Variants in PSMD1 observed in about 807,000 individuals in gnomAD.
PSMD1 encodes proteasome 26S subunit, non-ATPase 1.
A neutral mutation model predicts 119.0 loss-of-function variants in PSMD1; 18 were observed. The ratio of observed to expected loss-of-function variants is 0.15; its 90% CI spans 0.10 to 0.22. The LOEUF is 0.22. Among genes scored for constraint, PSMD1 ranks in the 10% least tolerant of loss-of-function variants. PSMD1 has a pLI of 1.00. For missense variants in PSMD1, 702 were observed against 1,158.5 expected, an observed-to-expected ratio of 0.61 and a Z score of 5.72; for synonymous variants, 374 against 396.6, an observed-to-expected ratio of 0.94 and a Z score of 0.68.
At chr2:231,113,949 G>A in intron 16 of PSMD1, 1 of 1,602,942 alleles carries the variant, frequency 6.2e-7, no homozygotes, top group Non-Finnish European at 8.5e-7. Flanking sequence ...ACAAAAACAA[G>A]ACAAACATTT....
chr2:231,064,965 A>C (rs1303308173), intron 4 of PSMD1, among the ~76,000 whole-genome samples: 1 of 151,482 alleles, frequency 6.6e-6, no homozygotes, highest in East Asian at 1.9e-4. Flanking sequence ...CCAACCCACT[A>C]TGTTCTTATT....
rs1336028080 is a variant in PSMD1 at position 231,165,024 on chromosome 2, TTATATA to T, written c.2482-172_2482-167del. On this transcript the variant is annotated intron_variant, in intron 21 of 24. Transcript: ENST00000308696. Reference sequence around the variant, plus strand: ...TTAGTTTTCCCATTTATTCTTTGATTTATATATATTTATATATATATATATATATAT... The same window carrying T: ...TTAGTTTTCCCATTTATTCTTTGATTTATTTATATATATATATATATATAT... 183 of 139,658 alleles carry T rather than the reference TTATATA, an allele frequency of 1.3e-3. 1 individual carries two copies. Among genetic ancestry groups the T allele is most frequent in the African/African-American group, 5.2e-3 (161 of 30,830 alleles). 8.7% of individuals were successfully genotyped at this position (139,658 alleles called of 1,614,324 possible). A position where few individuals can be genotyped will look rare whatever the true frequency, so the allele number is the denominator to read the frequency against.
intron 21 of PSMD1, 142 bp from the exon 22 acceptor site, chr2:231,165,034 TTATATATATATATATATATATATA>T (rs66656378): frequency 0.013 from 289 of 22,060 alleles, 11 homozygotes; most frequent in Middle Eastern, 0.02. Context: ...TTATATATAT[TTATATATATATATATATATATATA>T]TATATATATA....
At chr2:231,114,930 T>C (rs773215729) in intron 16 of PSMD1, among the ~76,000 whole-genome samples, 4 of 152,174 alleles carry the variant, frequency 2.6e-5, no homozygotes, top group Non-Finnish European at 5.9e-5. Flanking sequence ...TTAACTCCTG[T>C]AGAGAACAGA....
In PSMD1 at chr2:231,170,173, T is replaced by C. The variant is rs896535252; in HGVS notation, c.2716-393T>C. On this transcript the variant is annotated intron_variant, in intron 23 of 24. Coordinates refer to ENST00000308696, the MANE Select transcript of PSMD1 (RefSeq NM_002807.4). The surrounding 1 kb of genome is among the most constrained non-coding windows in gnomAD (Gnocchi z 4.1). Reference sequence around the variant, plus strand: ...GGTGGGGCCAGCTTTTCTGCATTTTTAACAAGCTCCAGATGATAATGATGC... The same window carrying C: ...GGTGGGGCCAGCTTTTCTGCATTTTCAACAAGCTCCAGATGATAATGATGC... Among the ~76,000 whole-genome samples, 5 of 152,206 alleles carry C rather than the reference T, an allele frequency of 3.3e-5. No homozygotes were observed. The highest frequency in any genetic ancestry group is 9.7e-5 in the African/African-American group (4 of 41,446).
At chr2:231,101,038 TA>T (rs1694854190) in intron 16 of PSMD1, among the ~76,000 whole-genome samples, 1 of 152,180 alleles carries the variant, frequency 6.6e-6, no homozygotes, top group African/African-American at 2.4e-5. Flanking sequence ...AAGAGCAGGC[TA>T]GGGGGTTGCC....
chr2:231,110,796 G>T (rs546182410), intron 16 of PSMD1, among the ~76,000 whole-genome samples: 1 of 152,198 alleles, frequency 6.6e-6, no homozygotes, highest in Non-Finnish European at 1.5e-5. Context: ...ACTCCCATTT[G>T]TTAGTAACAT....
chr2:231,120,131 T>G (rs1333438117), intron 16 of PSMD1, among the ~76,000 whole-genome samples: 1 of 151,960 alleles, frequency 6.6e-6, no homozygotes, highest in Non-Finnish European at 1.5e-5. Context: ...TTTGTATTTT[T>G]AGTAGGGACA....
chr2:231,077,155 A>G lies in PSMD1; in HGVS notation c.1064A>G (p.Asn355Ser). Reference sequence around the variant, plus strand: ...AATACAGACCTCATGATTCTAAAAAACACAAAGGTAAGAAATTCATCAATA... The same window carrying G: ...AATACAGACCTCATGATTCTAAAAAGCACAAAGGTAAGAAATTCATCAATA... The part of the protein sequence containing the change: ...NNNTDLMILK[N>S]TKDAVRNSVC... The change falls in exon 9 of 25, where the codon AAC becomes AGC. Residue 355 changes from asparagine (N) to serine (S), a missense_variant. Transcript: ENST00000308696. 6.6e-7 allele frequency: 1 copy of G among 1,521,206 alleles called. No homozygotes were observed. The highest frequency in any genetic ancestry group is 8.9e-7 in the Non-Finnish European group (1 of 1,128,976). 94.2% of individuals were successfully genotyped at this position (1,521,206 alleles called of 1,614,324 possible). A position where few individuals can be genotyped will look rare whatever the true frequency, so the allele number is the denominator to read the frequency against.
chr2:231,155,212 A>G (rs573046314), intron 19 of PSMD1, among the ~76,000 whole-genome samples: 1 of 152,332 alleles, frequency 6.6e-6, no homozygotes, highest in East Asian at 1.9e-4. Context: ...AGGTTTTTAT[A>G]GCAGTTCTAG....
rs1405701613 is a variant in PSMD1, at chr2:231,062,546, T to G, written c.175T>G (p.Phe59Val). 1 of 1,604,976 alleles carries G rather than the reference T, an allele frequency of 6.2e-7. No individual in the cohort carries two copies. The highest frequency in any genetic ancestry group is 1.4e-5 in the African/African-American group (1 of 74,052). ...YEDEGFRSRQFAALVASKVFY... is the reference protein window; with the variant it reads ...YEDEGFRSRQVAALVASKVFY... ...AGATGAAGGTTTCCGGAGTCGGCAG[T>G]TTGCAGCCTTAGTGGCATCTAAAGT... The change falls in exon 4 of 25, where the codon TTT (phenylalanine) becomes GTT (valine). Residue 59 changes from phenylalanine to valine, a missense_variant. Physicochemically the swap from Phe to Val is conservative, Grantham distance 50 (BLOSUM62 -1). Coordinates refer to ENST00000308696, the MANE Select transcript of PSMD1 (RefSeq NM_002807.4).
chr2:231,126,000 T>C (rs1695710278), intron 16 of PSMD1, among the ~76,000 whole-genome samples: 1 of 152,202 alleles, frequency 6.6e-6, no homozygotes, highest in African/African-American at 2.4e-5. Flanking sequence ...TTTTAAAAAC[T>C]CAAAATTTAC....
intron 18 of PSMD1, among the ~76,000 whole-genome samples, chr2:231,147,937 A>G (rs1313950138): frequency 2.0e-5 from 3 of 152,236 alleles, no homozygotes; most frequent in Non-Finnish European, 4.4e-5. Context: ...CTTTGTTTAA[A>G]AAAGTTCAAG....
At chr2:231,129,019 T>C (rs1304538349) in intron 16 of PSMD1, among the ~76,000 whole-genome samples, 27 of 152,238 alleles carry the variant, frequency 1.8e-4, no homozygotes, top group Admixed American at 1.8e-3. Flanking sequence ...CCTGGAATTA[T>C]AGTTGATGAT....
Position 231,112,816 on chromosome 2 carries a change from A to G in PSMD1, c.1883+25635A>G, listed in dbSNP as rs547962394. On this transcript the variant is annotated intron_variant, in intron 16 of 24. Transcript: ENST00000308696. Reference sequence around the variant, plus strand: ...AAGAAAAAGGATTTCTTTTATACATAATTTCTGAACATCGGTATGTTTTCT... The same window carrying G: ...AAGAAAAAGGATTTCTTTTATACATGATTTCTGAACATCGGTATGTTTTCT... Among the ~76,000 whole-genome samples, 4 of 151,762 alleles carry G rather than the reference A, an allele frequency of 2.6e-5. No homozygotes were observed. The East Asian group carries it at 7.7e-4, about 29-fold the overall frequency.
chr2:231,069,267 T>G (rs935118930), intron 5 of PSMD1, among the ~76,000 whole-genome samples: 1 of 152,230 alleles, frequency 6.6e-6, no homozygotes, highest in Non-Finnish European at 1.5e-5. Flanking sequence ...AATTTAAGCT[T>G]TATGAAACTA....
At chr2:231,081,518 G>A (rs576104497) in intron 12 of PSMD1, among the ~76,000 whole-genome samples, 1 of 152,342 alleles carries the variant, frequency 6.6e-6, no homozygotes, top group East Asian at 1.9e-4. Flanking sequence ...CCTTCAGGAT[G>A]AATGAACTTG....
chr2:231,166,132 C>A, intron 23 of PSMD1, 115 bp downstream of exon 23: 1 of 1,049,624 alleles, frequency 9.5e-7, no homozygotes, highest in South Asian at 2.7e-5. Context: ...CTCACTAGTT[C>A]TAAGAAATTA....
intron 2 of PSMD1, 152 bp from the exon 3 acceptor site, chr2:231,062,096 A>C: frequency 1.8e-6 from 1 of 561,382 alleles, no homozygotes; most frequent in Non-Finnish European, 3.2e-6. Flanking sequence ...ACTCAAGAAA[A>C]AGTGTAAGTT....
Sources: gnomAD v4.1 joint callset for allele counts (sites outside exome capture counted in the v4.1 genomes callset) on GRCh38, gnomAD v4.1.1 for gene constraint, Gnocchi (gnomAD v3.1) non-coding constraint, MANE v1.5 for transcripts, NCBI Gene and HGNC (gene_info 2026-07-23, HGNC 2026-07-21) for gene names.